The following INSR variants were observed in gnomAD, a reference collection of about 807,000 sequenced individuals.
The protein encoded by INSR is insulin receptor.
A neutral mutation model predicts 142.6 loss-of-function variants in INSR; 67 were observed. The ratio of observed to expected loss-of-function variants is 0.47; its 90% CI spans 0.39 to 0.58. The LOEUF is 0.58. Ranked by LOEUF, INSR falls within the 20% of genes least tolerant of loss-of-function variation. The pLI is 0.00. For missense variants in INSR, 1,248 were observed against 1,833.2 expected (o/e 0.68, Z 5.83); for synonymous variants, 756 against 743.1 (o/e 1.02, Z -0.28).
At position 7,119,625 on chromosome 19, in the gene INSR, G is replaced by GAC. The variant is rs367614576; in HGVS notation, c.3660-44_3660-43dup. ...ATAGTAGTAACAAAGAAGCCATTTA[G>GAC]ACACACACACACACGCGCGCGCGCA... On this transcript the variant is annotated intron_variant, in intron 20 of 21. Transcript: ENST00000302850. The surrounding 1 kb of genome is among the most constrained non-coding windows in gnomAD (Gnocchi z 5.2). 77,723 of 1,591,330 alleles carry GAC rather than the reference G, an allele frequency of 0.049. 1,122 individuals are homozygous for GAC. The highest frequency in any genetic ancestry group is 0.052 in the Non-Finnish European group (60,975 of 1,163,802).
chr19:7,190,221 T>C (rs967563917), intron 2 of INSR, among the ~76,000 whole-genome samples: 1 of 151,952 alleles, frequency 6.6e-6, no homozygotes, highest in African/African-American at 2.4e-5. Context: ...TCCCCAAAGA[T>C]TACAGTTTTA....
intron 2 of INSR, among the ~76,000 whole-genome samples, chr19:7,259,783 C>A (rs1977002566): frequency 2.0e-5 from 3 of 150,900 alleles, no homozygotes; most frequent in Admixed American, 2.0e-4. Flanking sequence ...CATGCCACTG[C>A]ACTCCAGCCT....
Position 7,249,451 on chromosome 19 carries a change from A to G in INSR, c.652+17894T>C, listed in dbSNP as rs548297409. Among the ~76,000 whole-genome samples, 178 of 152,252 alleles carry G rather than the reference A, an allele frequency of 1.2e-3. 1 individual carries two copies. In the South Asian group the frequency reaches 0.014, roughly 12 times the overall value. On this transcript the variant is annotated intron_variant, in intron 2 of 21. Coordinates refer to ENST00000302850, the MANE Select transcript of INSR (RefSeq NM_000208.4). ...GTCTGTGCCCTGTTTGTCAGACACT[A>G]AAAAAAGGGAGGCCCGTCGGCACCG... is the stretch of plus-strand genomic sequence containing the variant.
intron 2 of INSR, among the ~76,000 whole-genome samples, chr19:7,195,977 C>T (rs565220276): frequency 4.0e-5 from 6 of 149,656 alleles, no homozygotes; most frequent in Non-Finnish European, 5.9e-5. Context: ...CTCTTGTTGC[C>T]CAGGCTGGAG....
In INSR at chr19:7,119,850, AC is replaced by A. The variant is rs1972442998; in HGVS notation, c.3660-268del. The stretch of plus-strand genomic sequence containing the variant: ...CACAAACACACACACCCAAACACAC[AC>A]ACGCACACACATGCAAACACACACA... On this transcript the variant is annotated intron_variant, in intron 20 of 21. Coordinates refer to ENST00000302850, the MANE Select transcript of INSR (RefSeq NM_000208.4). This position sits in a 1 kb window ranked among gnomAD's most constrained non-coding sequence, Gnocchi z 5.2. Among the ~76,000 whole-genome samples, 1 of 114,600 alleles carries A rather than the reference AC, an allele frequency of 8.7e-6. No individual in the cohort carries two copies. The highest frequency in any genetic ancestry group is 2.0e-5 in the Non-Finnish European group (1 of 49,778). 75.2% of individuals were successfully genotyped at this position (114,600 alleles called of 152,430 possible). A position where few individuals can be genotyped will look rare whatever the true frequency, so the allele number is the denominator to read the frequency against.
intron 2 of INSR, among the ~76,000 whole-genome samples, chr19:7,207,948 G>GGAAGGGAGGGAGGGAA (rs1375255118): frequency 4.8e-5 from 6 of 124,186 alleles, no homozygotes; most frequent in Non-Finnish European, 8.3e-5. Context: ...AAGGGAAGGA[G>GGAAGGGAGGGAGGGAA]GGAGGGAGGG....
chr19:7,271,703 T>C (rs897738112), intron 1 of INSR, among the ~76,000 whole-genome samples: 1 of 152,164 alleles, frequency 6.6e-6, no homozygotes, highest in African/African-American at 2.4e-5. Context: ...CAAATGTCTA[T>C]AGCAGCATTA....
intron 2 of INSR, among the ~76,000 whole-genome samples, chr19:7,197,918 AGTGTGTGTGTGTGT>A (rs71864058): frequency 1.0e-5 from 1 of 100,218 alleles, no homozygotes; most frequent in South Asian, 3.4e-4. Flanking sequence ...CCAGAGTGAG[AGTGTGTGTGTGTGT>A]GTGTGTGTGT....
intron 11 of INSR, among the ~76,000 whole-genome samples, chr19:7,146,203 G>A (rs75693875): frequency 0.01 from 1,539 of 149,598 alleles, 18 homozygotes; most frequent in Non-Finnish European, 0.016. Context: ...CTTGGCCTGT[G>A]GCTTTTGTTC....
chr19:7,187,840 G>A (rs1042990318), intron 2 of INSR, among the ~76,000 whole-genome samples: 2 of 152,132 alleles, frequency 1.3e-5, no homozygotes, highest in African/African-American at 2.4e-5. Context: ...CCAAAGTGCT[G>A]AGATTACAAG....
intron 1 of INSR, among the ~76,000 whole-genome samples, chr19:7,284,315 C>G (rs557434902): frequency 1.3e-5 from 2 of 152,172 alleles, no homozygotes; most frequent in East Asian, 3.9e-4. Context: ...CCACCTGCCT[C>G]AACCTCCCAA....
At chr19:7,143,215 G>A in intron 11 of INSR, 125 bp from the exon 12 acceptor site, 1 of 1,035,744 alleles carries the variant, frequency 9.7e-7, no homozygotes, top group South Asian at 1.3e-5. Flanking sequence ...CAGCAATGGG[G>A]AACATGGATT....
At chr19:7,211,725 G>A (rs1235345677) in intron 2 of INSR, among the ~76,000 whole-genome samples, 2 of 152,160 alleles carry the variant, frequency 1.3e-5, no homozygotes, top group African/African-American at 2.4e-5. Flanking sequence ...GCCGGCAGCC[G>A]CGGAGAAGGA....
intron 9 of INSR, among the ~76,000 whole-genome samples, chr19:7,153,647 G>A (rs1406544751): frequency 1.3e-5 from 2 of 152,152 alleles, no homozygotes; most frequent in African/African-American, 4.8e-5. Context: ...GAGCCCAGGA[G>A]TTCGAGGCTG....
chr19:7,140,795 G>A (rs1369820562), intron 13 of INSR, among the ~76,000 whole-genome samples: 1 of 131,472 alleles, frequency 7.6e-6, no homozygotes, highest in Non-Finnish European at 1.6e-5. Context: ...TTGCCTAGCT[G>A]TCCATAAAAA....
chr19:7,271,624 C>G (rs1967928838), intron 1 of INSR, among the ~76,000 whole-genome samples: 1 of 152,204 alleles, frequency 6.6e-6, no homozygotes. Flanking sequence ...GCCATATGAC[C>G]TGGCAATTCC....
chr19:7,117,674 A>G (rs1972370538), intron 21 of INSR, among the ~76,000 whole-genome samples: 1 of 152,106 alleles, frequency 6.6e-6, no homozygotes, highest in African/African-American at 2.4e-5. Flanking sequence ...TGGCATGATC[A>G]TAGCTCACTG....
chr19:7,217,426 G>A (rs554971350), intron 2 of INSR, among the ~76,000 whole-genome samples: 2 of 152,252 alleles, frequency 1.3e-5, no homozygotes, highest in South Asian at 4.1e-4. Flanking sequence ...AAATTCACAG[G>A]TGACAGGGAT....
At chr19:7,126,970 C>T (rs1395574996) in intron 15 of INSR, among the ~76,000 whole-genome samples, 1 of 152,040 alleles carries the variant, frequency 6.6e-6, no homozygotes, top group Non-Finnish European at 1.5e-5. Flanking sequence ...ATAATCATAG[C>T]TCACTGCAGT....
Sources: gnomAD v4.1 joint callset for allele counts (sites outside exome capture counted in the v4.1 genomes callset) on GRCh38, gnomAD v4.1.1 for gene constraint, Gnocchi (gnomAD v3.1) non-coding constraint, MANE v1.5 for transcripts, NCBI Gene and HGNC (gene_info 2026-07-23, HGNC 2026-07-21) for gene names.